The following PCDH7 variants were observed in gnomAD, a reference collection of about 807,000 sequenced individuals.
PCDH7 encodes protocadherin-7.
A neutral mutation model predicts 58.9 loss-of-function variants in PCDH7; 17 were observed. That is an observed-to-expected ratio of 0.29 (90% CI 0.20 to 0.43). PCDH7 has a LOEUF of 0.43. PCDH7 is among the 20% of genes least tolerant of loss of function. The probability of loss-of-function intolerance (pLI) is 1.00; values close to 1 mark genes in which losing one functional copy is unlikely to be tolerated. For synonymous variants in PCDH7, 664 were observed against 616.4 expected (o/e 1.08, Z -1.14); for missense variants, 1,274 against 1,441.0 (o/e 0.88, Z 1.88).
intron 3 of PCDH7, among the ~76,000 whole-genome samples, chr4:31,112,193 G>T (rs1370381826): frequency 6.6e-6 from 1 of 152,100 alleles, no homozygotes; most frequent in Non-Finnish European, 1.5e-5. Flanking sequence ...TCTTTCAGTT[G>T]ATAACTGATT....
chr4:31,144,483 C>T (rs1424471254), downstream of PCDH7: 4 of 152,150 alleles, frequency 2.6e-5, no homozygotes, highest in African/African-American at 9.7e-5. Flanking sequence ...TAGGGAATAA[C>T]AGGTGTGAAG....
At chr4:31,068,003 A>G (rs1256080559) in intron 3 of PCDH7, among the ~76,000 whole-genome samples, 2 of 152,004 alleles carry the variant, frequency 1.3e-5, no homozygotes, top group Non-Finnish European at 2.9e-5. Flanking sequence ...ACAGTTATGC[A>G]TAGTTCCATC....
chr4:31,070,486 T>C (rs1758456008), intron 3 of PCDH7, among the ~76,000 whole-genome samples: 1 of 152,024 alleles, frequency 6.6e-6, no homozygotes, highest in South Asian at 2.1e-4. Flanking sequence ...TCAAGTTACA[T>C]AGATATGTTC....
At chr4:30,757,983 G>A (rs1389721734) in intron 1 of PCDH7, among the ~76,000 whole-genome samples, 2 of 152,242 alleles carry the variant, frequency 1.3e-5, no homozygotes, top group African/African-American at 2.4e-5. Flanking sequence ...CTGCTATCAC[G>A]GGGAGCTTAC....
chr4:31,118,083 C>G (rs1354987103), intron 3 of PCDH7, among the ~76,000 whole-genome samples: 3 of 152,170 alleles, frequency 2.0e-5, no homozygotes, highest in Non-Finnish European at 2.9e-5. Context: ...AATTGTGTTT[C>G]CTCCACAATC....
At chr4:30,978,839 T>TA (rs2109107010) in intron 3 of PCDH7, among the ~76,000 whole-genome samples, 1 of 152,242 alleles carries the variant, frequency 6.6e-6, no homozygotes, top group African/African-American at 2.4e-5. Context: ...TCCTCTTTGC[T>TA]AAATAACAAA....
At chr4:30,939,086 A>T (rs1745724066) in intron 2 of PCDH7, among the ~76,000 whole-genome samples, 1 of 152,082 alleles carries the variant, frequency 6.6e-6, no homozygotes, top group Non-Finnish European at 1.5e-5. Flanking sequence ...CATACAAGGG[A>T]TATTGTTTTT....
chr4:31,110,345 C>T lies in PCDH7; in HGVS notation c.*8-32128C>T, dbSNP rs141655808. On this transcript the variant is annotated intron_variant, in intron 3 of 3. Transcript: ENST00000509759. Reference sequence around the variant, plus strand: ...AACAGCTAATAAAATATCTCATAACCTCGTACAAGTTTTAAATTGTGTTCA... The same window carrying T: ...AACAGCTAATAAAATATCTCATAACTTCGTACAAGTTTTAAATTGTGTTCA... Among the ~76,000 whole-genome samples, 1,001 of 152,278 alleles carry T rather than the reference C, an allele frequency of 6.6e-3. 6 individuals carry two copies. The highest frequency in any genetic ancestry group is 0.031 in the Middle Eastern group (9 of 294).
chr4:30,752,572 T>G (rs1401422921), intron 1 of PCDH7, among the ~76,000 whole-genome samples: 2 of 151,804 alleles, frequency 1.3e-5, no homozygotes, highest in African/African-American at 4.8e-5. Context: ...AAGCTATCTT[T>G]TGATCTAAAT....
chr4:30,946,819 C>G (rs756204129), intron 2 of PCDH7, among the ~76,000 whole-genome samples: 1 of 151,882 alleles, frequency 6.6e-6, no homozygotes, highest in African/African-American at 2.4e-5. Context: ...GCATTTCTCT[C>G]CTGCCTCAGC....
rs560564202 is a variant in PCDH7 at position 30,932,598 on chromosome 4, A to G, written c.287+12229A>G. Among the ~76,000 whole-genome samples, 28 of 152,340 alleles carry G rather than the reference A, an allele frequency of 1.8e-4. No individual in the cohort carries two copies. In the East Asian group the frequency reaches 4.2e-3, roughly 23 times the overall value. ...TCATATGTATATTTGTTTCATGGAAAATCTCTACTAATGTCCATTTTTTGA... is the reference window on the plus strand; with the variant it reads ...TCATATGTATATTTGTTTCATGGAAGATCTCTACTAATGTCCATTTTTTGA... On this transcript the variant is annotated intron_variant, in intron 2 of 3. Coordinates refer to the PCDH7 transcript ENST00000509759.
intron 3 of PCDH7, among the ~76,000 whole-genome samples, chr4:30,982,663 A>G (rs891991930): frequency 3.9e-5 from 6 of 152,166 alleles, no homozygotes; most frequent in Admixed American, 3.9e-4. Context: ...CTGGTGCATT[A>G]TATATAAAAT....
At chr4:31,130,266 CTGAACAA>C (rs1718816936) in intron 3 of PCDH7, among the ~76,000 whole-genome samples, 1 of 144,786 alleles carries the variant, frequency 6.9e-6, no homozygotes, top group Non-Finnish European at 1.6e-5. Context: ...TTGTACTTTA[CTGAACAA>C]AAATAATTTA....
intron 1 of PCDH7, among the ~76,000 whole-genome samples, chr4:30,766,514 C>A (rs10008728): frequency 0.55 from 83,792 of 151,904 alleles, 24,084 homozygotes; most frequent in African/African-American, 0.72. Flanking sequence ...GGAATTTAAT[C>A]TTAAGACAAC....
intron 3 of PCDH7, among the ~76,000 whole-genome samples, chr4:30,992,793 C>CTTTTTTTTTTT (rs577504420): frequency 5.2e-5 from 5 of 95,664 alleles, no homozygotes; most frequent in African/African-American, 9.0e-5. Context: ...CTGTCCCATT[C>CTTTTTTTTTTT]TTTTTTTTTT....
chr4:31,051,647 AT>A (rs1756738499), intron 3 of PCDH7, among the ~76,000 whole-genome samples: 1 of 152,154 alleles, frequency 6.6e-6, no homozygotes, highest in Non-Finnish European at 1.5e-5. Context: ...AACAAGTAAA[AT>A]AAAACAGCAG....
chr4:31,108,393 A>T (rs1328469915), intron 3 of PCDH7, among the ~76,000 whole-genome samples: 1 of 128,806 alleles, frequency 7.8e-6, no homozygotes, highest in African/African-American at 3.3e-5. Flanking sequence ...AAAAAAAAAA[A>T]AAAAAAAAAA....
intron 3 of PCDH7, among the ~76,000 whole-genome samples, chr4:31,103,927 C>T (rs537502093): frequency 6.6e-6 from 1 of 152,288 alleles, no homozygotes; most frequent in Non-Finnish European, 1.5e-5. Context: ...CATTCTGGAT[C>T]AGTTTAAGAC....
intron 3 of PCDH7, among the ~76,000 whole-genome samples, chr4:31,008,599 G>T (rs1752958316): frequency 6.6e-6 from 1 of 150,804 alleles, no homozygotes; most frequent in Non-Finnish European, 1.5e-5. Context: ...TTAATTTACA[G>T]GGTTTCCTCT....
Sources: allele counts gnomAD v4.1 joint callset (sites outside exome capture counted in the v4.1 genomes callset), GRCh38; gene constraint gnomAD v4.1.1; transcripts MANE v1.5; gene names NCBI Gene and HGNC (gene_info 2026-07-23, HGNC 2026-07-21).